EPB41L5: variants seen among roughly 807,000 people sequenced by gnomAD.
EPB41L5 encodes the protein erythrocyte membrane protein band 4.1 like 5, also known as band 4.1-like protein 5.
Under a neutral mutation model 106.6 loss-of-function variants are expected in EPB41L5, and 55 were observed. The observed-to-expected ratio is 0.52, with a 90% CI of 0.42 to 0.65. The LOEUF (loss-of-function observed/expected upper bound fraction) is 0.65. Ranked by LOEUF, EPB41L5 falls within the 30% of genes least tolerant of loss-of-function variation. EPB41L5 has a pLI of 0.00. For missense variants in EPB41L5, 871 were observed against 882.1 expected, an observed-to-expected ratio of 0.99 and a Z score of 0.16; for synonymous variants, 297 against 306.7, an observed-to-expected ratio of 0.97 and a Z score of 0.33.
chr2:120,036,200 C>G (rs1056945031), intron 2 of EPB41L5, among the ~76,000 whole-genome samples: 1 of 152,168 alleles, frequency 6.6e-6, no homozygotes, highest in African/African-American at 2.4e-5. Flanking sequence ...AAATTTCCTA[C>G]CCTTCCTCCA....
chr2:120,141,370 A>G (rs912912715), intron 18 of EPB41L5, among the ~76,000 whole-genome samples: 2 of 152,090 alleles, frequency 1.3e-5, no homozygotes, highest in Non-Finnish European at 2.9e-5. Context: ...ACAGCTGGGA[A>G]GTACAGTTTT....
At chr2:120,161,459 T>C (rs1156725701) in intron 21 of EPB41L5, among the ~76,000 whole-genome samples, 2 of 152,048 alleles carry the variant, frequency 1.3e-5, no homozygotes, top group African/African-American at 4.8e-5. Flanking sequence ...CACAAGAGGA[T>C]CTTAGGGTTT....
At chr2:120,081,514 T>C (rs1271746536) in intron 10 of EPB41L5, among the ~76,000 whole-genome samples, 1 of 152,254 alleles carries the variant, frequency 6.6e-6, no homozygotes, top group Non-Finnish European at 1.5e-5. Context: ...TACTGTAGCC[T>C]TGTAATATAG....
In EPB41L5 at chr2:120,024,073, T is replaced by G. The variant is rs150388681; in HGVS notation, c.180+4809T>G. On this transcript the variant is annotated intron_variant, in intron 2 of 24. Transcript: ENST00000263713. ...AGTTGTTTATCAGCTTAAGGAGACT[T>G]TGGGCTGAGACAGTGGGGTTTTCTA... 5.8e-3 allele frequency among the ~76,000 whole-genome samples: 877 copies of G among 152,332 alleles called. 7 individuals carry two copies. Among genetic ancestry groups the G allele is most frequent in the African/African-American group, 0.02 (839 of 41,578 alleles).
At chr2:120,114,761 A>G (rs944603454) in intron 16 of EPB41L5, among the ~76,000 whole-genome samples, 9 of 152,118 alleles carry the variant, frequency 5.9e-5, no homozygotes, top group African/African-American at 2.2e-4. Context: ...AGATGAATGT[A>G]TATTCTGTTA....
intron 3 of EPB41L5, among the ~76,000 whole-genome samples, chr2:120,059,752 A>G (rs1477221037): frequency 6.6e-6 from 1 of 152,092 alleles, no homozygotes; most frequent in Non-Finnish European, 1.5e-5. Context: ...AAAAAAACAA[A>G]AAAAGTCTGC....
rs1682593672 is a variant in EPB41L5, at chr2:120,080,788, A to G, written c.803+2207A>G. Among the ~76,000 whole-genome samples the G allele has an allele frequency of 2.6e-5, 4 of 152,120 alleles. No individual in the cohort carries two copies. The South Asian group carries it at 6.2e-4, about 24-fold the overall frequency. ...GCACCTTCTGTTTCCTGACTTTTTA[A>G]TGATGGCCATTCTAACTGGTGTGAG... On this transcript the variant is annotated intron_variant, in intron 10 of 24. Transcript: ENST00000263713.
At chr2:120,060,060 G>A (rs762414425) in intron 3 of EPB41L5, among the ~76,000 whole-genome samples, 4 of 152,196 alleles carry the variant, frequency 2.6e-5, no homozygotes, top group Non-Finnish European at 5.9e-5. Flanking sequence ...TCAGTGAGAT[G>A]TTTTCACTAC....
intron 18 of EPB41L5, among the ~76,000 whole-genome samples, chr2:120,141,066 G>C (rs944816169): frequency 3.3e-5 from 5 of 152,086 alleles, no homozygotes; most frequent in African/African-American, 7.2e-5. Flanking sequence ...TGACAGTGTT[G>C]TAAGAGCCCA....
At chr2:120,074,014 C>A in intron 4 of EPB41L5, 86 bp from the exon 5 acceptor site, 1 of 968,816 alleles carries the variant, frequency 1.0e-6, no homozygotes, top group South Asian at 1.6e-5. Flanking sequence ...TGTCTCACTT[C>A]AGTAGATTTT....
intron 3 of EPB41L5, among the ~76,000 whole-genome samples, chr2:120,065,498 A>G (rs1681382986): frequency 1.4e-5 from 2 of 144,946 alleles, no homozygotes; most frequent in East Asian, 2.1e-4. Context: ...ACTGTCTAAG[A>G]AAGACTTTAG....
chr2:120,074,035 T>C lies in EPB41L5; in HGVS notation c.329-65T>C, dbSNP rs531901961. The C allele has an allele frequency of 3.9e-6, 5 of 1,280,010 alleles. No individual in the cohort carries two copies. The East Asian group carries it at 1.3e-4, about 33-fold the overall frequency. The allele number at this position is 1,280,010 out of a possible 1,614,324, so 79.3% of individuals were successfully genotyped here. The stretch of plus-strand genomic sequence containing the variant: ...ACTTCAGTAGATTTTTGACCAGTTT[T>C]CTGGCTGAAAAGTATTATTTAAGTA... On this transcript the variant is annotated intron_variant, in intron 4 of 24. Transcript: ENST00000263713.
intron 1 of EPB41L5, among the ~76,000 whole-genome samples, chr2:120,018,491 A>G (rs758370262): frequency 6.6e-6 from 1 of 152,218 alleles, no homozygotes; most frequent in Non-Finnish European, 1.5e-5. Flanking sequence ...AAAACTTTGA[A>G]TTAAAGTAAC....
In EPB41L5 at chr2:120,103,522, T is replaced by C. The variant is rs770964207; in HGVS notation, c.1337+2708T>C. ...TTGGGAACATTGATGTAAAATTACA[T>C]GGCCTCTGAAGGTAGATTTTTTATT... On this transcript the variant is annotated intron_variant, in intron 16 of 24. Coordinates refer to ENST00000263713, the MANE Select transcript of EPB41L5 (RefSeq NM_020909.4). Among the ~76,000 whole-genome samples the C allele has an allele frequency of 2.5e-4, 38 of 152,252 alleles. 1 individual carries two copies. Among genetic ancestry groups the C allele is most frequent in the African/African-American group, 8.2e-4 (34 of 41,474 alleles).
At chr2:120,101,594 T>C (rs983248047) in intron 16 of EPB41L5, 53 of 152,384 alleles carry the variant, frequency 3.5e-4, no homozygotes, top group African/African-American at 1.3e-3. Flanking sequence ...CTTAGTTTGT[T>C]TAGTACCTGA....
intron 16 of EPB41L5, among the ~76,000 whole-genome samples, chr2:120,101,434 T>C (rs1684134439): frequency 6.6e-6 from 1 of 152,206 alleles, no homozygotes; most frequent in East Asian, 1.9e-4. Context: ...GAGTTTATCC[T>C]TTCCCAAATA....
At chr2:120,077,657 G>C (rs887045159) in intron 9 of EPB41L5, among the ~76,000 whole-genome samples, 3 of 152,016 alleles carry the variant, frequency 2.0e-5, no homozygotes, top group African/African-American at 7.2e-5. Context: ...CTTACACTGA[G>C]TAGGCTCTGT....
At chr2:120,089,444 C>A (rs1359909911) in intron 11 of EPB41L5, among the ~76,000 whole-genome samples, 1 of 152,026 alleles carries the variant, frequency 6.6e-6, no homozygotes, top group African/African-American at 2.4e-5. Context: ...TAAAAACTTG[C>A]ATAATTATAT....
At chr2:120,164,566 C>A (rs549495228) in intron 21 of EPB41L5, among the ~76,000 whole-genome samples, 13 of 152,136 alleles carry the variant, frequency 8.5e-5, no homozygotes, top group South Asian at 2.1e-4. Context: ...ATAGTCATAA[C>A]CCTACCCAAG....
Sources: allele counts gnomAD v4.1 joint callset (sites outside exome capture counted in the v4.1 genomes callset), GRCh38; gene constraint gnomAD v4.1.1; transcripts MANE v1.5; gene names NCBI Gene and HGNC (gene_info 2026-07-23, HGNC 2026-07-21).